CAMK4: variants seen among roughly 807,000 people sequenced by gnomAD.
CAMK4 encodes calcium/calmodulin-dependent protein kinase type IV.
In CAMK4, 22 loss-of-function variants were observed where a neutral mutation model predicts 44.9. That is an observed-to-expected ratio of 0.49 (90% CI 0.35 to 0.70). The LOEUF is 0.70. CAMK4 is among the 30% of genes least tolerant of loss of function. The pLI is 0.01. For synonymous variants in CAMK4, 218 were observed against 215.4 expected (o/e 1.01, Z -0.11); for missense variants, 498 against 586.8 (o/e 0.85, Z 1.56).
intron 2 of CAMK4, among the ~76,000 whole-genome samples, chr5:111,358,817 G>A (rs933310280): frequency 3.3e-5 from 5 of 152,002 alleles, no homozygotes; most frequent in African/African-American, 1.2e-4. Flanking sequence ...AGAACATGCG[G>A]TATTTAGTTT....
chr5:111,235,022 C>T (rs1486856035), intron 1 of CAMK4, among the ~76,000 whole-genome samples: 3 of 152,174 alleles, frequency 2.0e-5, no homozygotes, highest in African/African-American at 7.2e-5. Flanking sequence ...TGAATGATGT[C>T]TCCCTATTTT....
At chr5:111,256,302 G>A (rs762899605) in intron 1 of CAMK4, among the ~76,000 whole-genome samples, 9 of 152,270 alleles carry the variant, frequency 5.9e-5, no homozygotes, top group South Asian at 2.1e-4. Context: ...GTGGAATTGG[G>A]TGTGATCACA....
chr5:111,347,724 C>T (rs1014587760), intron 2 of CAMK4, among the ~76,000 whole-genome samples: 19 of 151,928 alleles, frequency 1.3e-4, no homozygotes, highest in Non-Finnish European at 2.1e-4. Flanking sequence ...AGGGACCCAC[C>T]CTACTCCAGT....
chr5:111,474,534 A>G (rs190346693), intron 8 of CAMK4, among the ~76,000 whole-genome samples: 224 of 152,340 alleles, frequency 1.5e-3, no homozygotes, highest in African/African-American at 4.9e-3. Flanking sequence ...CAAGGGCTCC[A>G]TCTCCAAATA....
chr5:111,255,996 A>G lies in CAMK4; in HGVS notation c.161+31352A>G, dbSNP rs76707632. On this transcript the variant is annotated intron_variant, in intron 1 of 10. Transcript: ENST00000282356. ...ATATTTAGAATGCATACACACACAC[A>G]TATATATAGCTGTATGTATTTTGAT... Among the ~76,000 whole-genome samples, 141 of 152,316 alleles carry G rather than the reference A, an allele frequency of 9.3e-4. 1 individual carries two copies. In the East Asian group the frequency reaches 0.026, roughly 28 times the overall value.
chr5:111,393,484 G>A (rs1416099973), intron 4 of CAMK4, among the ~76,000 whole-genome samples: 1 of 151,998 alleles, frequency 6.6e-6, no homozygotes, highest in African/African-American at 2.4e-5. Flanking sequence ...GTAATGCTGG[G>A]GTCTTGATTA....
At chr5:111,443,773 C>T (rs183169717) in intron 5 of CAMK4, among the ~76,000 whole-genome samples, 36 of 152,148 alleles carry the variant, frequency 2.4e-4, no homozygotes, top group African/African-American at 7.7e-4. Flanking sequence ...CTATGTTTAG[C>T]GTCATTTTCT....
At chr5:111,258,328 G>A (rs554788501) in intron 1 of CAMK4, among the ~76,000 whole-genome samples, 27 of 152,148 alleles carry the variant, frequency 1.8e-4, no homozygotes, top group African/African-American at 4.8e-4. Flanking sequence ...AGAAAATACC[G>A]CATTCAGGCT....
chr5:111,300,279 G>A (rs993134008), intron 1 of CAMK4, among the ~76,000 whole-genome samples: 1 of 152,172 alleles, frequency 6.6e-6, no homozygotes, highest in African/African-American at 2.4e-5. Flanking sequence ...GAGAGACATA[G>A]ACCACATTTC....
chr5:111,463,533 C>G (rs1429942278), intron 7 of CAMK4, among the ~76,000 whole-genome samples: 1 of 152,168 alleles, frequency 6.6e-6, no homozygotes, highest in African/African-American at 2.4e-5. Flanking sequence ...GGAGGCCAAC[C>G]AACACAAAAC....
At chr5:111,473,425 C>T (rs767426524) in intron 8 of CAMK4, 39 bp downstream of exon 8, 7 of 1,279,560 alleles carry the variant, frequency 5.5e-6, no homozygotes, top group South Asian at 3.7e-5. Context: ...AACTATTTAC[C>T]TTGCTGTGAC....
At chr5:111,338,541 AG>A (rs1196915683) in intron 1 of CAMK4, among the ~76,000 whole-genome samples, 4 of 151,528 alleles carry the variant, frequency 2.6e-5, no homozygotes, top group African/African-American at 9.6e-5. Flanking sequence ...TTCTTTGCCA[AG>A]GCCAATGTCC....
intron 5 of CAMK4, among the ~76,000 whole-genome samples, chr5:111,431,148 G>A (rs996512069): frequency 6.6e-6 from 1 of 152,114 alleles, no homozygotes; most frequent in South Asian, 2.1e-4. Context: ...CAGAGCTATA[G>A]TGACCAAAAC....
intron 7 of CAMK4, among the ~76,000 whole-genome samples, chr5:111,464,664 A>G (rs1251395076): frequency 6.6e-6 from 1 of 152,046 alleles, no homozygotes. Flanking sequence ...AAAAGACTGT[A>G]TCTAAACTCA....
At position 111,418,445 on chromosome 5, in the gene CAMK4, A is replaced by ATT. The variant is rs34910011; in HGVS notation, c.459+23672_459+23673dup. Among the ~76,000 whole-genome samples, 1,430 of 150,296 alleles carry ATT rather than the reference A, an allele frequency of 9.5e-3. 15 individuals carry two copies. The highest frequency in any genetic ancestry group is 0.031 in the African/African-American group (1,290 of 41,018). On this transcript the variant is annotated intron_variant, in intron 5 of 10. Coordinates refer to ENST00000282356, the MANE Select transcript of CAMK4 (RefSeq NM_001744.6). ...GATAACTTCTTATCAGGAGACAGGGATTTTTTTTTTATATACTTTAAGTTT... is the reference window on the plus strand; with the variant it reads ...GATAACTTCTTATCAGGAGACAGGGATTTTTTTTTTTTATATACTTTAAGTTT...
chr5:111,237,968 G>T (rs930701318), intron 1 of CAMK4, among the ~76,000 whole-genome samples: 1 of 152,194 alleles, frequency 6.6e-6, no homozygotes, highest in East Asian at 1.9e-4. Flanking sequence ...TTACATTCCT[G>T]ATGTTTATGC....
intron 1 of CAMK4, among the ~76,000 whole-genome samples, chr5:111,231,137 G>A (rs994982376): frequency 2.6e-5 from 4 of 152,144 alleles, no homozygotes; most frequent in Non-Finnish European, 4.4e-5. Context: ...CATAGTATTA[G>A]CACATAAAGG....
At chr5:111,481,323 C>T (rs1162428896) in intron 9 of CAMK4, among the ~76,000 whole-genome samples, 3 of 152,128 alleles carry the variant, frequency 2.0e-5, no homozygotes, top group African/African-American at 2.4e-5. Context: ...TCCTGTTCAA[C>T]GGATAATAGC....
chr5:111,257,697 G>A (rs575372871), intron 1 of CAMK4, among the ~76,000 whole-genome samples: 2 of 152,210 alleles, frequency 1.3e-5, no homozygotes, highest in African/African-American at 4.8e-5. Flanking sequence ...ACATGCACAC[G>A]TATATTCATT....
Sources: gnomAD v4.1 joint callset for allele counts (sites outside exome capture counted in the v4.1 genomes callset) on GRCh38, gnomAD v4.1.1 for gene constraint, MANE v1.5 for transcripts, NCBI Gene and HGNC (gene_info 2026-07-23, HGNC 2026-07-21) for gene names.